The following KCNH7 variants were observed in gnomAD, a reference collection of about 807,000 sequenced individuals.
KCNH7 encodes potassium voltage-gated channel subfamily H member 7.
Under a neutral mutation model 120.8 loss-of-function variants are expected in KCNH7, and 49 were observed. The observed-to-expected ratio is 0.41, with a 90% confidence interval of 0.32 to 0.51. KCNH7 has a LOEUF of 0.51. Among genes scored for constraint, KCNH7 ranks in the 20% least tolerant of loss-of-function variants. The pLI is 0.38. For missense variants in KCNH7, 1,097 were observed against 1,446.6 expected (o/e 0.76, Z 3.92); for synonymous variants, 547 against 516.1 (o/e 1.06, Z -0.81).
At chr2:162,373,192 T>G (rs1477280387) in intron 15 of KCNH7, among the ~76,000 whole-genome samples, 3 of 152,088 alleles carry the variant, frequency 2.0e-5, no homozygotes, top group Non-Finnish European at 4.4e-5. Flanking sequence ...TTTAAGCAGG[T>G]TGATTCTGGA....
intron 14 of KCNH7, among the ~76,000 whole-genome samples, chr2:162,374,137 C>A (rs1337269052): frequency 6.6e-6 from 1 of 152,124 alleles, no homozygotes; most frequent in Non-Finnish European, 1.5e-5. Flanking sequence ...TTTAACCTTA[C>A]CTCTGTCCTA....
At chr2:162,399,782 C>T (rs887473837) in intron 10 of KCNH7, among the ~76,000 whole-genome samples, 13 of 151,784 alleles carry the variant, frequency 8.6e-5, no homozygotes, top group African/African-American at 2.9e-4. Flanking sequence ...AACATAAACC[C>T]AGTTCATGAC....
At chr2:162,506,498 C>G (rs1234461541) in intron 5 of KCNH7, among the ~76,000 whole-genome samples, 1 of 151,712 alleles carries the variant, frequency 6.6e-6, no homozygotes, top group African/African-American at 2.4e-5. Flanking sequence ...CTCTAATGTC[C>G]TATTTTCAAT....
At chr2:162,822,334 G>A (rs1248953335) in intron 2 of KCNH7, among the ~76,000 whole-genome samples, 2 of 151,998 alleles carry the variant, frequency 1.3e-5, no homozygotes, top group Admixed American at 6.5e-5. Context: ...CTGGGTACCT[G>A]GAGCTGTTTT....
At chr2:162,738,679 C>G (rs983503733) in intron 2 of KCNH7, among the ~76,000 whole-genome samples, 3 of 152,212 alleles carry the variant, frequency 2.0e-5, no homozygotes, top group Non-Finnish European at 4.4e-5. Context: ...TGGTATCTGT[C>G]TGGCTGTTAA....
intron 2 of KCNH7, among the ~76,000 whole-genome samples, chr2:162,715,302 AC>A (rs1330991582): frequency 2.0e-5 from 3 of 152,144 alleles, no homozygotes; most frequent in Non-Finnish European, 2.9e-5. Flanking sequence ...AGTGCCACAC[AC>A]TTTTAAATGA....
intron 2 of KCNH7, among the ~76,000 whole-genome samples, chr2:162,755,760 T>C (rs903625700): frequency 6.6e-6 from 1 of 152,166 alleles, no homozygotes; most frequent in Non-Finnish European, 1.5e-5. Context: ...ACATTTACCA[T>C]ATTATGTATG....
intron 9 of KCNH7, among the ~76,000 whole-genome samples, chr2:162,419,121 C>T (rs1389408096): frequency 6.6e-6 from 1 of 151,344 alleles, no homozygotes; most frequent in African/African-American, 2.4e-5. Flanking sequence ...AAGCTAATAC[C>T]TTCACCCCTT....
intron 2 of KCNH7, among the ~76,000 whole-genome samples, chr2:162,614,903 T>C (rs890391294): frequency 6.6e-6 from 1 of 152,008 alleles, no homozygotes; most frequent in Non-Finnish European, 1.5e-5. Flanking sequence ...TTATATTCAT[T>C]ATATCATTTT....
chr2:162,596,614 T>C (rs112323725), intron 2 of KCNH7, among the ~76,000 whole-genome samples: 20 of 152,084 alleles, frequency 1.3e-4, no homozygotes, highest in African/African-American at 4.3e-4. Context: ...GAAGAAAACA[T>C]AGGGGAAAAT....
At chr2:162,803,166 T>C (rs1484072949) in intron 2 of KCNH7, among the ~76,000 whole-genome samples, 1 of 151,802 alleles carries the variant, frequency 6.6e-6, no homozygotes, top group Non-Finnish European at 1.5e-5. Context: ...CAAAATTATT[T>C]ACTCTAAACT....
intron 2 of KCNH7, among the ~76,000 whole-genome samples, chr2:162,635,089 T>C (rs1032633784): frequency 1.3e-5 from 2 of 152,128 alleles, no homozygotes; most frequent in Admixed American, 1.3e-4. Flanking sequence ...GTAGTTACCA[T>C]ATTGGACAGT....
intron 2 of KCNH7, among the ~76,000 whole-genome samples, chr2:162,662,673 C>T (rs1188440234): frequency 3.3e-5 from 5 of 152,158 alleles, no homozygotes; most frequent in Non-Finnish European, 5.9e-5. Flanking sequence ...TCTGTGATCA[C>T]CCTCCTTTCT....
intron 2 of KCNH7, among the ~76,000 whole-genome samples, chr2:162,621,358 C>A (rs1201305453): frequency 6.9e-6 from 1 of 143,956 alleles, no homozygotes; most frequent in Non-Finnish European, 1.5e-5. Context: ...GGAGCCACAA[C>A]ACAATGACTT....
chr2:162,455,921 C>A (rs776643699), intron 6 of KCNH7, among the ~76,000 whole-genome samples: 3 of 151,696 alleles, frequency 2.0e-5, no homozygotes, highest in Admixed American at 2.0e-4. Flanking sequence ...AAGGGTTTTT[C>A]GTGTCTCGAT....
intron 2 of KCNH7, among the ~76,000 whole-genome samples, chr2:162,683,006 G>A (rs74698413): frequency 0.041 from 6,204 of 151,764 alleles, 186 homozygotes; most frequent in Middle Eastern, 0.13. Context: ...TCTTCCGAAG[G>A]GTATGGATCA....
rs77998771 is a variant in KCNH7, at chr2:162,831,795, A to G, written c.307+4742T>C. Among the ~76,000 whole-genome samples the G allele has an allele frequency of 9.2e-3, 1,395 of 152,286 alleles. 20 individuals are homozygous for G. The highest frequency in any genetic ancestry group is 0.032 in the African/African-American group (1,350 of 41,560). ...GTTCTCAAGCACCTTGGGTGTGAAAATAACTAAGAATTTCTCTCTCAAGCT... is the reference window on the plus strand; with the variant it reads ...GTTCTCAAGCACCTTGGGTGTGAAAGTAACTAAGAATTTCTCTCTCAAGCT... On this transcript the variant is annotated intron_variant, in intron 2 of 15. Transcript: ENST00000332142.
intron 2 of KCNH7, among the ~76,000 whole-genome samples, chr2:162,700,077 C>A (rs1308039834): frequency 6.6e-6 from 1 of 152,040 alleles, no homozygotes; most frequent in Non-Finnish European, 1.5e-5. Flanking sequence ...TGGAAAGAAA[C>A]ACAAACTTGA....
chr2:162,596,458 G>T (rs1183821562), intron 2 of KCNH7, among the ~76,000 whole-genome samples: 14 of 151,990 alleles, frequency 9.2e-5, no homozygotes. Context: ...AAGGCAGAAA[G>T]GACAGTCTCT....
Sources: allele counts gnomAD v4.1 joint callset (sites outside exome capture counted in the v4.1 genomes callset), GRCh38; gene constraint gnomAD v4.1.1; transcripts MANE v1.5; gene names NCBI Gene and HGNC (gene_info 2026-07-23, HGNC 2026-07-21).